PSD: variants seen among roughly 807,000 people sequenced by gnomAD.
The protein encoded by PSD is pleckstrin and Sec7 domain containing.
Under a neutral mutation model 91.6 loss-of-function variants are expected in PSD, and 32 were observed. The observed-to-expected ratio is 0.35, with a 90% CI of 0.26 to 0.47. The LOEUF is 0.47. Among genes scored for constraint, PSD ranks in the 20% least tolerant of loss-of-function variants. The pLI is 1.00. For missense variants in PSD, 1,099 were observed against 1,373.9 expected (o/e 0.80, Z 3.16); for synonymous variants, 532 against 569.3 (o/e 0.93, Z 0.93).
Position 102,407,129 on chromosome 10 carries a change from C to T in PSD, c.2135+94G>A, listed in dbSNP as rs1013592668. 5.0e-6 allele frequency: 6 copies of T among 1,193,972 alleles called. No individual in the cohort carries two copies. In the African/African-American group the frequency reaches 9.5e-5, roughly 19 times the overall value. 74.0% of individuals were successfully genotyped at this position (1,193,972 alleles called of 1,614,324 possible). A position where few individuals can be genotyped will look rare whatever the true frequency, so the allele number is the denominator to read the frequency against. ...ATGGCCTCTCACTCCCCTCCCCTAC[C>T]CCCACCCAGGGCCTACCCCAGCTCT... On this transcript the variant is annotated intron_variant, in intron 11 of 16. Transcript: ENST00000020673.
Position 102,403,741 on chromosome 10 carries a change from C to G in PSD, c.2844+101G>C. ...GGAAACTGAGGCTTAGGTTAAGCAACCTGCCCAAGGACCTCCGGCCGGTTC... is the reference window on the plus strand; with the variant it reads ...GGAAACTGAGGCTTAGGTTAAGCAAGCTGCCCAAGGACCTCCGGCCGGTTC... On this transcript the variant is annotated intron_variant, in intron 16 of 16. Transcript: ENST00000020673. This position sits in a 1 kb window ranked among gnomAD's most constrained non-coding sequence, Gnocchi z 6.7. 1.4e-6 allele frequency: 2 copies of G among 1,443,294 alleles called. No individual in the cohort carries two copies. The highest frequency in any genetic ancestry group is 1.8e-6 in the Non-Finnish European group (2 of 1,083,056). The allele number at this position is 1,443,294 out of a possible 1,614,324, so 89.4% of individuals were successfully genotyped here. A position where few individuals can be genotyped will look rare whatever the true frequency, so the allele number is the denominator to read the frequency against.
Position 102,404,945 on chromosome 10 carries a change from G to T in PSD, c.2508C>A (p.Val836=), listed in dbSNP as rs750029022. 1 of 1,614,124 alleles carries T rather than the reference G, an allele frequency of 6.2e-7. No homozygotes were observed. The highest frequency in any genetic ancestry group is 8.5e-7 in the Non-Finnish European group (1 of 1,179,996). The stretch of plus-strand genomic sequence containing the variant: ...GCCAGTCAGCTGTGCGCAGGTAGAA[G>T]ACGTGGGGCCTCTTGCTGTAGTCAC... ...RASDYSKRPH[V]FYLRTADWRV... Residue 836 remains valine (V), a synonymous_variant, in exon 14 of 17, where the codon GTC becomes GTA. Transcript: ENST00000020673. The surrounding 1 kb of genome is among the most constrained non-coding windows in gnomAD (Gnocchi z 5.7).
chr10:102,405,575 G>T lies in PSD; in HGVS notation c.2136-39C>A. On this transcript the variant is annotated intron_variant, in intron 11 of 16. Transcript: ENST00000020673. This position sits in a 1 kb window ranked among gnomAD's most constrained non-coding sequence, Gnocchi z 5.4. ...CACCTCAGAGGGGGCTGGCCATGGA[G>T]CCGCGGCCCCCGCTTCAGTTCTGGC... 6.4e-7 allele frequency: 1 copy of T among 1,570,378 alleles called. No homozygotes were observed. Among genetic ancestry groups the T allele is most frequent in the South Asian group, 1.1e-5 (1 of 88,986 alleles).
chr10:102,403,809 T>G lies in PSD; in HGVS notation c.2844+33A>C, dbSNP rs1686456879. On this transcript the variant is annotated intron_variant, in intron 16 of 16. Transcript: ENST00000020673. This position sits in a 1 kb window ranked among gnomAD's most constrained non-coding sequence, Gnocchi z 6.7. ...CCCTTCACCCTAGTATGGGCCTGCGTGTGTGGACAGAGGGGCAGACAGGGA... is the reference window on the plus strand; with the variant it reads ...CCCTTCACCCTAGTATGGGCCTGCGGGTGTGGACAGAGGGGCAGACAGGGA... 2.5e-6 allele frequency: 4 copies of G among 1,599,844 alleles called. No individual in the cohort carries two copies. Among genetic ancestry groups the G allele is most frequent in the Non-Finnish European group, 3.4e-6 (4 of 1,171,766 alleles).
intron 6 of PSD, 30 bp downstream of exon 6, chr10:102,412,351 C>T (rs1199563494): frequency 1.2e-6 from 2 of 1,612,032 alleles, no homozygotes; most frequent in South Asian, 1.1e-5. Flanking sequence ...CCCTCTGCCC[C>T]CATCCTCAGT....
At position 102,416,362 on chromosome 10, in the gene PSD, G is replaced by A; in HGVS notation, c.654+23C>T. On this transcript the variant is annotated intron_variant, in intron 2 of 16. Coordinates refer to ENST00000020673, the MANE Select transcript of PSD (RefSeq NM_002779.5). The surrounding 1 kb of genome is among the most constrained non-coding windows in gnomAD (Gnocchi z 6.0). ...CCTTGCCCCTTCACTGGGGGCCCAGGGAGCCCAGGGGAAGTTGCATACCTG... is the reference window on the plus strand; with the variant it reads ...CCTTGCCCCTTCACTGGGGGCCCAGAGAGCCCAGGGGAAGTTGCATACCTG... 1.9e-6 allele frequency: 3 copies of A among 1,580,478 alleles called. No homozygotes were observed. The highest frequency in any genetic ancestry group is 2.6e-6 in the Non-Finnish European group (3 of 1,163,640).
chr10:102,419,124 C>T (rs1048746914), upstream of PSD: 1 of 258,210 alleles, frequency 3.9e-6, no homozygotes, highest in South Asian at 3.6e-5. This position sits in a 1 kb window ranked among gnomAD's most constrained non-coding sequence, Gnocchi z 4.8. Flanking sequence ...CCCTAGGAGG[C>T]TGCCACATGA....
chr10:102,412,349 C>G (rs774895649), intron 6 of PSD, 32 bp downstream of exon 6: 31 of 1,611,836 alleles, frequency 1.9e-5, no homozygotes, highest in Non-Finnish European at 2.5e-5. Flanking sequence ...TTCCCTCTGC[C>G]CCCATCCTCA....
In PSD at chr10:102,410,544, G is replaced by C. The variant is rs1014004202; in HGVS notation, c.2091+314C>G. 6.6e-6 allele frequency among the ~76,000 whole-genome samples: 1 copy of C among 152,204 alleles called. No individual in the cohort carries two copies. The highest frequency in any genetic ancestry group is 2.4e-5 in the African/African-American group (1 of 41,460). ...CCCGCAACTCCCGCCTTCCACCCCA[G>C]CGCACACTGGAGGAGGGGAACTGAA... On this transcript the variant is annotated intron_variant, in intron 10 of 16. Coordinates refer to ENST00000020673, the MANE Select transcript of PSD (RefSeq NM_002779.5). The surrounding 1 kb of genome is among the most constrained non-coding windows in gnomAD (Gnocchi z 6.0).
chr10:102,411,255 C>T (rs1425233502), intron 8 of PSD, 139 bp from the exon 9 acceptor site: 5 of 548,996 alleles, frequency 9.1e-6, no homozygotes, highest in Non-Finnish European at 1.5e-5. Context: ...AAACCCTCCC[C>T]ACAAAGAGCT....
Position 102,409,276 on chromosome 10 carries a change from C to G in PSD, c.2091+1582G>C. ...GGCGGCGGCGGCGGCGCTGTCTGCT[C>G]TGCGGCTTGGCTAGAGCGGGAGGGG... is the stretch of plus-strand genomic sequence containing the variant. On this transcript the variant is annotated intron_variant, in intron 10 of 16. Transcript: ENST00000020673. This position sits in a 1 kb window ranked among gnomAD's most constrained non-coding sequence, Gnocchi z 5.7. 2 of 985,606 alleles carry G rather than the reference C, an allele frequency of 2.0e-6. No individual in the cohort carries two copies. The highest frequency in any genetic ancestry group is 9.1e-5 in the South Asian group (2 of 21,904). 61.1% of individuals were successfully genotyped at this position (985,606 alleles called of 1,614,324 possible).
rs2061461387 is a variant in PSD, at chr10:102,415,010, C to G, written c.977G>C (p.Gly326Ala). 1.2e-6 allele frequency: 2 copies of G among 1,609,424 alleles called. No homozygotes were observed. The highest frequency in any genetic ancestry group is 2.7e-5 in the African/African-American group (2 of 74,860). The change falls in exon 4 of 17, where the codon GGC (glycine) becomes GCC (alanine). Residue 326 changes from glycine (G) to alanine (A), a missense_variant. Transcript: ENST00000020673. ...CCGTGGGGCAGGTGGGTAGGCAGTG[C>G]CTGGTGGGCCCTCAGAGCTGGGCTG... ...ESQPSSEGPP[G>A]TAYPPAPRPG...
rs964769043 is a variant in PSD at position 102,404,264 on chromosome 10, C to T, written c.2701-279G>A. ...TCAGGAGGCTGGGGCAGGAGAACGG[C>T]GTGAACCCGGGAGGCAGAGCTTGCA... On this transcript the variant is annotated intron_variant, in intron 15 of 16. Transcript: ENST00000020673. The surrounding 1 kb of genome is among the most constrained non-coding windows in gnomAD (Gnocchi z 5.7). Among the ~76,000 whole-genome samples the T allele has an allele frequency of 3.3e-5, 5 of 149,954 alleles. No homozygotes were observed. The highest frequency in any genetic ancestry group is 7.4e-5 in the Non-Finnish European group (5 of 67,814).
intron 1 of PSD, among the ~76,000 whole-genome samples, chr10:102,417,488 G>T (rs1465029346): frequency 6.6e-6 from 1 of 152,046 alleles, no homozygotes; most frequent in East Asian, 1.9e-4. Context: ...TCAGCCAGCT[G>T]TCACCATCAT....
At chr10:102,407,104 A>G in intron 11 of PSD, 119 bp downstream of exon 11, 1 of 877,058 alleles carries the variant, frequency 1.1e-6, no homozygotes, top group Non-Finnish European at 1.6e-6. Context: ...ACTGCCTCTC[A>G]TGGCCTCTCA....
Position 102,414,979 on chromosome 10 carries a change from G to A in PSD, c.1008C>T (p.Gly336=). ...GTAYPPAPRP[G]PLPGPHPSLG... ...GGCTGGGATGAGGGCCAGGGAGTGGGCCGGGCCGTGGGGCAGGTGGGTAGG... is the reference window on the plus strand; with the variant it reads ...GGCTGGGATGAGGGCCAGGGAGTGGACCGGGCCGTGGGGCAGGTGGGTAGG... Residue 336 remains glycine (G), a synonymous_variant, in exon 4 of 17, where the codon GGC becomes GGT. Transcript: ENST00000020673. The surrounding 1 kb of genome is among the most constrained non-coding windows in gnomAD (Gnocchi z 5.6). 2.5e-6 allele frequency: 4 copies of A among 1,595,412 alleles called. No homozygotes were observed. The highest frequency in any genetic ancestry group is 3.4e-6 in the Non-Finnish European group (4 of 1,167,710).
intron 10 of PSD, among the ~76,000 whole-genome samples, chr10:102,408,413 C>T (rs1015663658): frequency 2.6e-5 from 4 of 152,208 alleles, no homozygotes; most frequent in African/African-American, 4.8e-5. Context: ...AGCCTCCAAC[C>T]CCCACTCCAC....
rs766986605 is a variant in PSD at position 102,405,445 on chromosome 10, A to AGCCACT, written c.2221_2226dup (p.Gly742_Ser743dup). 1.2e-6 allele frequency: 2 copies of AGCCACT among 1,613,946 alleles called. No homozygotes were observed. Among genetic ancestry groups the AGCCACT allele is most frequent in the African/African-American group, 1.3e-5 (1 of 75,026 alleles). On this transcript the variant is annotated inframe_insertion, in exon 12 of 17. Transcript: ENST00000020673. This position sits in a 1 kb window ranked among gnomAD's most constrained non-coding sequence, Gnocchi z 5.4. ...GGAGTCAGGTCCAGGAAAGGGCTGGAGCCACTGCCACTGCCCCCGCTGATC... is the reference window on the plus strand; with the variant it reads ...GGAGTCAGGTCCAGGAAAGGGCTGGAGCCACTGCCACTGCCACTGCCCCCGCTGATC...
At position 102,403,560 on chromosome 10, in the gene PSD, A is replaced by G. The variant is rs2061312201; in HGVS notation, c.2845-130T>C. On this transcript the variant is annotated intron_variant, in intron 16 of 16. Transcript: ENST00000020673. This position sits in a 1 kb window ranked among gnomAD's most constrained non-coding sequence, Gnocchi z 6.7. Reference sequence around the variant, plus strand: ...CCACCCAGGACTGTGAGATGGTCCCATGCGGGCTGGTGCCCCCTCTGGGCT... The same window carrying G: ...CCACCCAGGACTGTGAGATGGTCCCGTGCGGGCTGGTGCCCCCTCTGGGCT... The G allele has an allele frequency of 1.1e-6, 1 of 943,262 alleles. No individual in the cohort carries two copies. Among genetic ancestry groups the G allele is most frequent in the Non-Finnish European group, 1.5e-6 (1 of 645,516 alleles). The allele number at this position is 943,262 out of a possible 1,614,324, so 58.4% of individuals were successfully genotyped here.
Sources: allele counts gnomAD v4.1 joint callset (sites outside exome capture counted in the v4.1 genomes callset), GRCh38; gene constraint gnomAD v4.1.1; non-coding constraint Gnocchi (gnomAD v3.1); transcripts MANE v1.5; gene names NCBI Gene and HGNC (gene_info 2026-07-23, HGNC 2026-07-21).